The following MSANTD2 variants were observed in gnomAD, a reference collection of about 807,000 sequenced individuals.
MSANTD2 encodes myb/SANT-like DNA-binding domain-containing protein 2.
In MSANTD2, 19 loss-of-function variants were observed where a neutral mutation model predicts 52.6. The ratio of observed to expected loss-of-function variants is 0.36; its 90% confidence interval spans 0.25 to 0.53. MSANTD2 has a LOEUF of 0.53. MSANTD2 is among the 20% of genes least tolerant of loss of function. MSANTD2 has a pLI of 0.91. For synonymous variants in MSANTD2, 291 were observed against 289.7 expected (o/e 1.00, Z -0.04); for missense variants, 558 against 716.3 (o/e 0.78, Z 2.52).
rs193165544 is a variant in MSANTD2, at chr11:124,782,414, T to A, written c.511-7440A>T. ...CTGCATTGAGCCATGATCACGCCACTGCACTCCAGCTTGGGCAACAGAGTG... is the reference window on the plus strand; with the variant it reads ...CTGCATTGAGCCATGATCACGCCACAGCACTCCAGCTTGGGCAACAGAGTG... On this transcript the variant is annotated intron_variant, in intron 1 of 3. Coordinates refer to ENST00000374979, the MANE Select transcript of MSANTD2 (RefSeq NM_001308027.2). Among the ~76,000 whole-genome samples, 240 of 152,234 alleles carry A rather than the reference T, an allele frequency of 1.6e-3. 1 individual carries two copies. The highest frequency in any genetic ancestry group is 2.8e-3 in the Non-Finnish European group (188 of 68,016).
chr11:124,787,653 T>TGTTA (rs1235680245), intron 1 of MSANTD2, among the ~76,000 whole-genome samples: 1 of 152,264 alleles, frequency 6.6e-6, no homozygotes, highest in East Asian at 1.9e-4. Context: ...CAACTGTTTG[T>TGTTA]GTTAACATGT....
chr11:124,799,925 G>A lies in MSANTD2; in HGVS notation c.456C>T (p.Ala152=), dbSNP rs760344597. 1.3e-6 allele frequency: 2 copies of A among 1,585,824 alleles called. No individual in the cohort carries two copies. The highest frequency in any genetic ancestry group is 3.4e-5 in the Admixed American group (2 of 59,102). The change falls in exon 1 of 4, where the codon GCC becomes GCT. Residue 152 remains alanine (A), a synonymous_variant. Coordinates refer to ENST00000374979, the MANE Select transcript of MSANTD2 (RefSeq NM_001308027.2). ...TCCGCTCGTAGCCCAGCTCGGCCAG[G>A]GCCCGGGACACGCGCTCGTACATGG... is the stretch of plus-strand genomic sequence containing the variant. ...GPAMYERVSR[A]LAELGYERTP...
intron 1 of MSANTD2, among the ~76,000 whole-genome samples, chr11:124,786,060 C>A (rs1222625801): frequency 6.7e-6 from 1 of 149,538 alleles, no homozygotes; most frequent in Non-Finnish European, 1.5e-5. Context: ...AACATATTTA[C>A]CTAGGTTACT....
chr11:124,793,584 T>C (rs1367933581), intron 1 of MSANTD2, among the ~76,000 whole-genome samples: 3 of 152,220 alleles, frequency 2.0e-5, no homozygotes, highest in Admixed American at 6.5e-5. Context: ...AAATTCAATT[T>C]TGCAGTCACG....
At chr11:124,798,859 T>A (rs554651847) in intron 1 of MSANTD2, among the ~76,000 whole-genome samples, 1 of 152,142 alleles carries the variant, frequency 6.6e-6, no homozygotes, top group African/African-American at 2.4e-5. Flanking sequence ...ATAGGATAAG[T>A]AGTTCAGTAA....
At chr11:124,769,508 G>C (rs1944423995) in intron 3 of MSANTD2, among the ~76,000 whole-genome samples, 1 of 152,168 alleles carries the variant, frequency 6.6e-6, no homozygotes, top group Non-Finnish European at 1.5e-5. Flanking sequence ...TGCTTTAAAG[G>C]AAAATTATCT....
rs1591455135 is a variant in MSANTD2, at chr11:124,779,220, G to A, written c.511-4246C>T. On this transcript the variant is annotated intron_variant, in intron 1 of 3. Transcript: ENST00000374979. This position sits in a 1 kb window ranked among gnomAD's most constrained non-coding sequence, Gnocchi z 4.6. ...CTTGGAAAATAAGATCTATAAGCAG[G>A]GACAGTGGTTTCATCAAAGCCCTTC... is the stretch of plus-strand genomic sequence containing the variant. 1 of 152,134 alleles carries A rather than the reference G, an allele frequency of 6.6e-6. No individual in the cohort carries two copies. The highest frequency in any genetic ancestry group is 1.5e-5 in the Non-Finnish European group (1 of 68,022). The allele number at this position is 152,134 out of a possible 1,614,324, so 9.4% of individuals were successfully genotyped here.
rs1945533163 is a variant in MSANTD2 at position 124,797,544 on chromosome 11, ATAT to A, written c.510+2324_510+2326del. The stretch of plus-strand genomic sequence containing the variant: ...AATTAAAAAAAATGTAGTGTCTACT[ATAT>A]GCTAGTACAGCAGTGAGTAAGAGAG... On this transcript the variant is annotated intron_variant, in intron 1 of 3. Transcript: ENST00000374979. Among the ~76,000 whole-genome samples the A allele has an allele frequency of 3.3e-5, 5 of 152,334 alleles. No individual in the cohort carries two copies. The South Asian group carries it at 1.0e-3, about 32-fold the overall frequency.
intron 1 of MSANTD2, chr11:124,790,093 T>A (rs1194904757): frequency 2.0e-5 from 3 of 152,266 alleles, no homozygotes; most frequent in Non-Finnish European, 4.4e-5. Flanking sequence ...AACTGCTGGT[T>A]CTACGTTAAC....
At chr11:124,796,524 G>A in intron 1 of MSANTD2, among the ~76,000 whole-genome samples, 1 of 152,108 alleles carries the variant, frequency 6.6e-6, no homozygotes, top group East Asian at 1.9e-4. Flanking sequence ...ATGGCACACT[G>A]CAGCCTCAAA....
At chr11:124,795,801 T>G (rs1047122944) in intron 1 of MSANTD2, among the ~76,000 whole-genome samples, 1 of 152,068 alleles carries the variant, frequency 6.6e-6, no homozygotes, top group African/African-American at 2.4e-5. Context: ...AGGCCTACAG[T>G]AAAAGAGAAA....
chr11:124,788,338 A>T (rs972593978), intron 1 of MSANTD2, among the ~76,000 whole-genome samples: 1 of 152,110 alleles, frequency 6.6e-6, no homozygotes, highest in Admixed American at 6.5e-5. Context: ...AATAAAAAGC[A>T]TGTAGATCTT....
chr11:124,783,909 C>T lies in MSANTD2; in HGVS notation c.511-8935G>A, dbSNP rs1591462886. 6.1e-6 allele frequency: 6 copies of T among 985,380 alleles called. No individual in the cohort carries two copies. The Admixed American group carries it at 2.5e-4, about 40-fold the overall frequency. 61.0% of individuals were successfully genotyped at this position (985,380 alleles called of 1,614,324 possible). On this transcript the variant is annotated intron_variant, in intron 1 of 3. Transcript: ENST00000374979. ...TTCTCATGGACACTCATACAATGATCTCAGATGAGCAGTAATACTTGTAAA... is the reference window on the plus strand; with the variant it reads ...TTCTCATGGACACTCATACAATGATTTCAGATGAGCAGTAATACTTGTAAA...
intron 1 of MSANTD2, among the ~76,000 whole-genome samples, chr11:124,778,009 G>C (rs1158079242): frequency 6.6e-6 from 1 of 152,134 alleles, no homozygotes; most frequent in African/African-American, 2.4e-5. Flanking sequence ...AGGAACTATG[G>C]AGACCTTCCA....
rs1271047771 is a variant in MSANTD2 at position 124,779,422 on chromosome 11, A to G, written c.511-4448T>C. On this transcript the variant is annotated intron_variant, in intron 1 of 3. Coordinates refer to ENST00000374979, the MANE Select transcript of MSANTD2 (RefSeq NM_001308027.2). The surrounding 1 kb of genome is among the most constrained non-coding windows in gnomAD (Gnocchi z 4.6). ...GCCAACCAATTCCAGTATTGGCTTAATAATTTTCTCAAAGTTTGCCCCATT... is the reference window on the plus strand; with the variant it reads ...GCCAACCAATTCCAGTATTGGCTTAGTAATTTTCTCAAAGTTTGCCCCATT... 6.6e-6 allele frequency among the ~76,000 whole-genome samples: 1 copy of G among 152,236 alleles called. No homozygotes were observed. Among genetic ancestry groups the G allele is most frequent in the East Asian group, 1.9e-4 (1 of 5,194 alleles).
At position 124,800,006 on chromosome 11, in the gene MSANTD2, C is replaced by G. The variant is rs558950607; in HGVS notation, c.375G>C (p.Arg125=). 84 of 1,583,316 alleles carry G rather than the reference C, an allele frequency of 5.3e-5. 1 individual carries two copies. In the African/African-American group the frequency reaches 9.0e-4, roughly 17 times the overall value. ...VWGNERLVEA[R]YQQLEGAGTV... ...TGCCGGCTCCCTCCAGCTGCTGGTA[C>G]CGCGCCTCCACCAGCCGCTCGTTGC... The change falls in exon 1 of 4, where the codon CGG becomes CGC. Residue 125 remains arginine, a synonymous_variant. Transcript: ENST00000374979. This position sits in a 1 kb window ranked among gnomAD's most constrained non-coding sequence, Gnocchi z 4.3.
rs554289401 is a variant in MSANTD2 at position 124,788,165 on chromosome 11, T to C, written c.510+11706A>G. Among the ~76,000 whole-genome samples, 9 of 151,236 alleles carry C rather than the reference T, an allele frequency of 6.0e-5. No homozygotes were observed. The East Asian group carries it at 1.6e-3, about 26-fold the overall frequency. On this transcript the variant is annotated intron_variant, in intron 1 of 3. Transcript: ENST00000374979. ...GAATATGGTGACTAACACACTGACA[T>C]ATAAACCAATGGGGAAAAAGGAATC...
chr11:124,769,108 G>A (rs1308941925), intron 3 of MSANTD2, among the ~76,000 whole-genome samples: 1 of 152,108 alleles, frequency 6.6e-6, no homozygotes, highest in Non-Finnish European at 1.5e-5. Context: ...TCTTGAAAAC[G>A]GGCTCTGGAA....
intron 1 of MSANTD2, among the ~76,000 whole-genome samples, chr11:124,794,927 G>C (rs1351105249): frequency 6.6e-6 from 1 of 152,072 alleles, no homozygotes; most frequent in Non-Finnish European, 1.5e-5. Context: ...CACCCAAGCT[G>C]AAGTTCAGTG....
Sources: gnomAD v4.1 joint callset for allele counts (sites outside exome capture counted in the v4.1 genomes callset) on GRCh38, gnomAD v4.1.1 for gene constraint, Gnocchi (gnomAD v3.1) non-coding constraint, MANE v1.5 for transcripts, NCBI Gene and HGNC (gene_info 2026-07-23, HGNC 2026-07-21) for gene names.